The following PLEKHH2 variants were observed in gnomAD, a reference collection of about 807,000 sequenced individuals.
PLEKHH2 encodes pleckstrin homology domain-containing family H member 2.
A neutral mutation model predicts 187.9 loss-of-function variants in PLEKHH2; 129 were observed. The ratio of observed to expected loss-of-function variants is 0.69; its 90% CI spans 0.59 to 0.79. The LOEUF is 0.79. PLEKHH2 is among the 30% of genes least tolerant of loss of function. The pLI is 0.00. For synonymous variants in PLEKHH2, 686 were observed against 605.6 expected (o/e 1.13, Z -1.95); for missense variants, 2,076 against 1,751.2 (o/e 1.19, Z -3.31).
rs1404177498 is a variant in PLEKHH2 at position 43,746,005 on chromosome 2, A to G, written c.3653+42A>G. Reference sequence around the variant, plus strand: ...CCAGATGCCAAAGTATGAGTATACAATATGTTCTAATAATGCACCTACTAT... The same window carrying G: ...CCAGATGCCAAAGTATGAGTATACAGTATGTTCTAATAATGCACCTACTAT... On this transcript the variant is annotated intron_variant, in intron 24 of 29. Coordinates refer to ENST00000282406, the MANE Select transcript of PLEKHH2 (RefSeq NM_172069.4). 3.1e-6 allele frequency: 4 copies of G among 1,286,742 alleles called. No individual in the cohort carries two copies. In the South Asian group the frequency reaches 4.3e-5, roughly 14 times the overall value. 79.7% of individuals were successfully genotyped at this position (1,286,742 alleles called of 1,614,324 possible). A position where few individuals can be genotyped will look rare whatever the true frequency, so the allele number is the denominator to read the frequency against.
At chr2:43,646,678 T>C (rs555939870) in intron 2 of PLEKHH2, among the ~76,000 whole-genome samples, 3 of 152,186 alleles carry the variant, frequency 2.0e-5, no homozygotes, top group Non-Finnish European at 2.9e-5. Context: ...GTAATTTCTC[T>C]ATAAGTAAAA....
chr2:43,763,196 A>G (rs1672496044), intron 28 of PLEKHH2, among the ~76,000 whole-genome samples: 1 of 152,222 alleles, frequency 6.6e-6, no homozygotes, highest in Non-Finnish European at 1.5e-5. Context: ...TAAAGTAAAA[A>G]CAAACAAACC....
At chr2:43,699,509 C>A in intron 7 of PLEKHH2, 138 bp from the exon 8 acceptor site, 1 of 1,033,928 alleles carries the variant, frequency 9.7e-7, no homozygotes, top group Non-Finnish European at 1.4e-6. Context: ...TCCCAAGTAG[C>A]TGGGACTACA....
chr2:43,648,737 C>T (rs1034820964), intron 2 of PLEKHH2, among the ~76,000 whole-genome samples: 2 of 151,884 alleles, frequency 1.3e-5, no homozygotes, highest in East Asian at 1.9e-4. Context: ...TGGGCCACCA[C>T]ATCTGGCTAA....
intron 24 of PLEKHH2, among the ~76,000 whole-genome samples, chr2:43,749,889 A>T (rs1558617128): frequency 1.3e-5 from 2 of 152,240 alleles, no homozygotes; most frequent in African/African-American, 2.4e-5. Flanking sequence ...TTTTAAATGG[A>T]TACTTAACAA....
rs1325489430 is a variant in PLEKHH2, at chr2:43,767,280, G to T, written c.*1682G>T. 1 of 152,172 alleles carries T rather than the reference G, an allele frequency of 6.6e-6. No individual in the cohort carries two copies. Among genetic ancestry groups the T allele is most frequent in the African/African-American group, 2.4e-5 (1 of 41,370 alleles). The allele number at this position is 152,172 out of a possible 1,614,324, so 9.4% of individuals were successfully genotyped here. On this transcript the variant is annotated 3_prime_UTR_variant, in exon 30 of 30. Coordinates refer to ENST00000282406, the MANE Select transcript of PLEKHH2 (RefSeq NM_172069.4). Reference sequence around the variant, plus strand: ...TTTTCTTCTTTGCTGCCTTCTCCCTGTGGCAATGTACTGTTCTCACATTAA... The same window carrying T: ...TTTTCTTCTTTGCTGCCTTCTCCCTTTGGCAATGTACTGTTCTCACATTAA...
chr2:43,726,809 AAATT>A (rs1453193890), intron 17 of PLEKHH2, among the ~76,000 whole-genome samples: 1 of 152,148 alleles, frequency 6.6e-6, no homozygotes, highest in Non-Finnish European at 1.5e-5. Flanking sequence ...ATACAGTAGA[AAATT>A]AATTATTTTA....
intron 3 of PLEKHH2, among the ~76,000 whole-genome samples, chr2:43,682,065 C>T (rs114764816): frequency 4.6e-5 from 7 of 152,084 alleles, no homozygotes; most frequent in Admixed American, 3.9e-4. Flanking sequence ...TCCCCTGCCC[C>T]CCTCACACTG....
At chr2:43,641,325 T>C (rs1391996368) in intron 1 of PLEKHH2, among the ~76,000 whole-genome samples, 6 of 152,176 alleles carry the variant, frequency 3.9e-5, no homozygotes, top group Non-Finnish European at 7.4e-5. Flanking sequence ...GTGTCATATC[T>C]AAGAATCTGT....
intron 2 of PLEKHH2, among the ~76,000 whole-genome samples, chr2:43,668,196 C>G (rs564640601): frequency 6.6e-6 from 1 of 152,184 alleles, no homozygotes; most frequent in East Asian, 1.9e-4. Context: ...CCACTCCTGG[C>G]TAATTTTTGT....
intron 24 of PLEKHH2, among the ~76,000 whole-genome samples, chr2:43,749,053 A>T (rs1208589624): frequency 6.6e-6 from 1 of 152,102 alleles, no homozygotes; most frequent in African/African-American, 2.4e-5. Context: ...CACTGCGCCC[A>T]GCCAAGACTA....
At chr2:43,709,943 C>G (rs746779167) in intron 11 of PLEKHH2, 47 bp from the exon 12 acceptor site, 1 of 1,538,562 alleles carries the variant, frequency 6.5e-7, no homozygotes, top group East Asian at 2.3e-5. Flanking sequence ...GTGTTTGGCC[C>G]TCCCCAGTAT....
chr2:43,739,930 G>A (rs1388624667), intron 20 of PLEKHH2, among the ~76,000 whole-genome samples: 1 of 152,042 alleles, frequency 6.6e-6, no homozygotes, highest in Non-Finnish European at 1.5e-5. Context: ...CCTTCCATTG[G>A]TTATGCTTTA....
intron 1 of PLEKHH2, among the ~76,000 whole-genome samples, chr2:43,638,890 T>C (rs751651425): frequency 2.7e-4 from 41 of 152,212 alleles, no homozygotes; most frequent in Admixed American, 3.9e-4. Flanking sequence ...TCCAACCAAT[T>C]TGCAGTTCTG....
At chr2:43,711,259 G>A (rs1423140713) in intron 14 of PLEKHH2, 1 of 985,278 alleles carries the variant, frequency 1.0e-6, no homozygotes, top group Non-Finnish European at 1.2e-6. Flanking sequence ...TTGCCAGAAA[G>A]GTACATTATC....
At chr2:43,761,220 T>C (rs1484866946) in intron 27 of PLEKHH2, among the ~76,000 whole-genome samples, 1 of 152,200 alleles carries the variant, frequency 6.6e-6, no homozygotes, top group African/African-American at 2.4e-5. Context: ...GTCTTGACAT[T>C]GTTTTGTAAA....
intron 21 of PLEKHH2, 127 bp downstream of exon 21, chr2:43,741,170 A>C: frequency 1.3e-6 from 1 of 779,848 alleles, no homozygotes; most frequent in Non-Finnish European, 1.9e-6. Context: ...TGGTACAGGA[A>C]GCCTTTGGTT....
chr2:43,669,316 G>C (rs189585074), intron 2 of PLEKHH2, among the ~76,000 whole-genome samples: 1 of 152,166 alleles, frequency 6.6e-6, no homozygotes, highest in African/African-American at 2.4e-5. Flanking sequence ...CAAAGCAATG[G>C]GGGAATGACT....
At chr2:43,754,195 C>CAAA (rs753076839) in intron 25 of PLEKHH2, among the ~76,000 whole-genome samples, 12 of 127,430 alleles carry the variant, frequency 9.4e-5, no homozygotes, top group Admixed American at 2.9e-4. Context: ...CACACACACA[C>CAAA]ACACACACAC....
Sources: gnomAD v4.1 joint callset for allele counts (sites outside exome capture counted in the v4.1 genomes callset) on GRCh38, gnomAD v4.1.1 for gene constraint, MANE v1.5 for transcripts, NCBI Gene and HGNC (gene_info 2026-07-23, HGNC 2026-07-21) for gene names.